The following TBL1XR1 variants were observed in gnomAD, a reference collection of about 807,000 sequenced individuals.
The protein encoded by TBL1XR1 is TBL1X/Y related 1, also known as F-box-like/WD repeat-containing protein TBL1XR1.
TBL1XR1 carries 5 observed loss-of-function variants against 66.9 expected under a neutral mutation model. The ratio of observed to expected loss-of-function variants is 0.07; its 90% CI spans 0.04 to 0.16. The LOEUF is 0.16. Among genes scored for constraint, TBL1XR1 ranks in the 10% least tolerant of loss-of-function variants. The probability of loss-of-function intolerance (pLI) is 1.00; values close to 1 mark genes in which losing one functional copy is unlikely to be tolerated. For synonymous variants in TBL1XR1, 210 were observed against 206.0 expected, an observed-to-expected ratio of 1.02 and a Z score of -0.17; for missense variants, 238 against 623.2, an observed-to-expected ratio of 0.38 and a Z score of 6.58.
chr3:177,190,539 A>C (rs750369188), intron 1 of TBL1XR1, among the ~76,000 whole-genome samples: 2 of 152,154 alleles, frequency 1.3e-5, no homozygotes, highest in Non-Finnish European at 2.9e-5. Flanking sequence ...GCTGGTCTCA[A>C]ACTCCTGACC....
intron 1 of TBL1XR1, among the ~76,000 whole-genome samples, chr3:177,192,096 A>AC (rs1194267606): frequency 1.4e-5 from 2 of 144,782 alleles, no homozygotes; most frequent in African/African-American, 5.1e-5. Flanking sequence ...CTGTCTCAAA[A>AC]AAAAAAAAAA....
At chr3:177,070,237 C>T (rs1372729355) in intron 2 of TBL1XR1, among the ~76,000 whole-genome samples, 1 of 152,184 alleles carries the variant, frequency 6.6e-6, no homozygotes, top group African/African-American at 2.4e-5. Context: ...CTCTGATGAG[C>T]TGCCTCATTG....
intron 4 of TBL1XR1, among the ~76,000 whole-genome samples, chr3:177,052,128 T>A (rs1345014069): frequency 2.0e-5 from 3 of 152,342 alleles, no homozygotes; most frequent in East Asian, 1.9e-4. Flanking sequence ...ATACATCTTT[T>A]AAAAAACTAA....
intron 1 of TBL1XR1, among the ~76,000 whole-genome samples, chr3:177,126,347 A>T (rs1727631816): frequency 6.6e-6 from 1 of 152,168 alleles, no homozygotes; most frequent in East Asian, 1.9e-4. Context: ...TAACACAACA[A>T]TATTCTTTTT....
At chr3:177,176,050 C>T (rs982196335) in intron 1 of TBL1XR1, among the ~76,000 whole-genome samples, 3 of 146,426 alleles carry the variant, frequency 2.0e-5, no homozygotes, top group African/African-American at 7.7e-5. Context: ...CAGAGCGAGA[C>T]TCTGTCTCTA....
At position 177,172,576 on chromosome 3, in the gene TBL1XR1, G is replaced by A. The variant is rs369998407; in HGVS notation, c.-122+24545C>T. Among the ~76,000 whole-genome samples, 38 of 148,820 alleles carry A rather than the reference G, an allele frequency of 2.6e-4. 1 individual carries two copies. In the East Asian group the frequency reaches 4.6e-3, roughly 18 times the overall value. ...ATCGGAAGGTTAGTGAGCCATAATC[G>A]TACCACTACACTCCTGCCTGAGTGA... On this transcript the variant is annotated intron_variant, in intron 1 of 15. Transcript: ENST00000457928.
chr3:177,109,458 GTCCTGCAGTAGACAACAGAACT>G (rs1277392368), intron 1 of TBL1XR1, among the ~76,000 whole-genome samples: 3 of 152,120 alleles, frequency 2.0e-5, no homozygotes, highest in Admixed American at 6.6e-5. Flanking sequence ...TGTAAGATTT[GTCCTGCAGTAGACAACAGAACT>G]ATGGGAAGAA....
chr3:177,043,232 T>A (rs1226954569), intron 10 of TBL1XR1, among the ~76,000 whole-genome samples: 1 of 152,204 alleles, frequency 6.6e-6, no homozygotes, highest in Non-Finnish European at 1.5e-5. Flanking sequence ...ATCTTCTCAG[T>A]CCATCAATTA....
rs181314143 is a variant in TBL1XR1, at chr3:177,178,111, G to A, written c.-122+19010C>T. ...AAGACGCTGAGACAGGAATAAGCTT[G>A]TTCAGTGGGTGTGGAGCTGGAATGG... On this transcript the variant is annotated intron_variant, in intron 1 of 15. Coordinates refer to ENST00000457928, the MANE Select transcript of TBL1XR1 (RefSeq NM_024665.7). Among the ~76,000 whole-genome samples the A allele has an allele frequency of 1.1e-4, 16 of 152,314 alleles. No individual in the cohort carries two copies. In the East Asian group the frequency reaches 3.1e-3, roughly 29 times the overall value.
In TBL1XR1 at chr3:177,053,747, C is replaced by G. The variant is rs750525589; in HGVS notation, c.204+26G>C. On this transcript the variant is annotated intron_variant, in intron 4 of 15. Coordinates refer to ENST00000457928, the MANE Select transcript of TBL1XR1 (RefSeq NM_024665.7). ...ACGGCATATTTAAGATGAAAAAAAT[C>G]AGTATTTGAAATAAGTCTTCCTTAC... The G allele has an allele frequency of 6.3e-6, 10 of 1,598,982 alleles. No individual in the cohort carries two copies. In the Admixed American group the frequency reaches 1.7e-4, roughly 27 times the overall value.
chr3:177,106,841 G>A (rs1329512448), intron 1 of TBL1XR1, among the ~76,000 whole-genome samples: 1 of 151,874 alleles, frequency 6.6e-6, no homozygotes, highest in African/African-American at 2.4e-5. Context: ...AGATTCTGCC[G>A]TCCTGTGTGC....
intron 1 of TBL1XR1, among the ~76,000 whole-genome samples, chr3:177,156,165 CAAAAAA>C (rs60079156): frequency 3.2e-4 from 16 of 49,998 alleles, no homozygotes; most frequent in Admixed American, 1.3e-3. Flanking sequence ...TCTACTCTAC[CAAAAAA>C]AAAAAAAAAA....
intron 1 of TBL1XR1, among the ~76,000 whole-genome samples, chr3:177,141,485 T>C (rs940121299): frequency 3.3e-5 from 5 of 152,232 alleles, no homozygotes; most frequent in African/African-American, 1.2e-4. Context: ...TTAAACTACA[T>C]ATAAATCGTA....
chr3:177,047,753 T>TTA lies in TBL1XR1; in HGVS notation c.703-206_703-205dup, dbSNP rs545469022. 292 of 550,028 alleles carry TTA rather than the reference T, an allele frequency of 5.3e-4. 1 individual carries two copies. In the South Asian group the frequency reaches 7.2e-3, roughly 14 times the overall value. 34.1% of individuals were successfully genotyped at this position (550,028 alleles called of 1,614,324 possible). Reference sequence around the variant, plus strand: ...GTGACACTAATGTTGTATGGGGGCCTTATATCCAAAGTTCAACAACTGACA... The same window carrying TTA: ...GTGACACTAATGTTGTATGGGGGCCTTATATATCCAAAGTTCAACAACTGACA... On this transcript the variant is annotated intron_variant, in intron 7 of 15. Transcript: ENST00000457928.
chr3:177,196,790 G>T (rs189028630), intron 1 of TBL1XR1, among the ~76,000 whole-genome samples: 2 of 151,848 alleles, frequency 1.3e-5, no homozygotes. Context: ...AAGGGAGGAA[G>T]AGGGGGAGAA....
intron 1 of TBL1XR1, among the ~76,000 whole-genome samples, chr3:177,134,955 GTGTGTGTGTGTC>G (rs772884680): frequency 1.8e-4 from 25 of 141,840 alleles, no homozygotes; most frequent in African/African-American, 3.2e-4. Context: ...CTGTGTGTGT[GTGTGTGTGTGTC>G]TGTGTGTGTG....
chr3:177,172,498 C>T (rs567041956), intron 1 of TBL1XR1, among the ~76,000 whole-genome samples: 22 of 151,950 alleles, frequency 1.4e-4, no homozygotes, highest in African/African-American at 4.8e-4. Context: ...TGGCTCATGC[C>T]TCTAATCCCA....
At chr3:177,049,317 G>A (rs1716735105) in intron 7 of TBL1XR1, among the ~76,000 whole-genome samples, 1 of 152,156 alleles carries the variant, frequency 6.6e-6, no homozygotes, top group South Asian at 2.1e-4. Context: ...TAAGAGTTTT[G>A]GGGGAGGGGC....
intron 2 of TBL1XR1, among the ~76,000 whole-genome samples, chr3:177,067,254 A>G (rs1385200888): frequency 6.6e-6 from 1 of 152,246 alleles, no homozygotes; most frequent in Non-Finnish European, 1.5e-5. Flanking sequence ...TATGTTTGTC[A>G]CGGGGAACAA....
Sources: allele counts gnomAD v4.1 joint callset (sites outside exome capture counted in the v4.1 genomes callset), GRCh38; gene constraint gnomAD v4.1.1; transcripts MANE v1.5; gene names NCBI Gene and HGNC (gene_info 2026-07-23, HGNC 2026-07-21).